The following TNFSF8 variants were observed in gnomAD, a reference collection of about 807,000 sequenced individuals.
TNFSF8 encodes the protein tumor necrosis factor ligand superfamily member 8.
A neutral mutation model predicts 22.0 loss-of-function variants in TNFSF8; 4 were observed. The observed-to-expected ratio is 0.18, with a 90% CI of 0.09 to 0.42. The LOEUF is 0.42. TNFSF8 is among the 10% of genes least tolerant of loss of function. The pLI is 1.00. For missense variants in TNFSF8, 233 were observed against 281.8 expected, an observed-to-expected ratio of 0.83 and a Z score of 1.24; for synonymous variants, 106 against 112.5, an observed-to-expected ratio of 0.94 and a Z score of 0.37.
intron 2 of TNFSF8, among the ~76,000 whole-genome samples, chr9:114,914,936 TC>T (rs1188792752): frequency 6.6e-6 from 1 of 152,196 alleles, no homozygotes. Flanking sequence ...CTGTGTTTTT[TC>T]TTTAGCATGT....
At chr9:114,923,522 C>CTTTCTTTCTTTCT (rs758823996) in intron 1 of TNFSF8, among the ~76,000 whole-genome samples, 2,365 of 89,510 alleles carry the variant, frequency 0.026, 80 homozygotes, top group African/African-American at 0.07. Flanking sequence ...TTCTTTCTTT[C>CTTTCTTTCTTTCT]TTTTTTTTTT....
intron 2 of TNFSF8, among the ~76,000 whole-genome samples, chr9:114,906,304 ATTGT>A (rs1205809546): frequency 2.6e-5 from 4 of 152,242 alleles, no homozygotes; most frequent in African/African-American, 9.6e-5. Flanking sequence ...GGTGAAATAC[ATTGT>A]TTCGTGGTGC....
rs1828072503 is a variant in TNFSF8, at chr9:114,927,079, ATATT to A, written c.195+3026_195+3029del. ...TAATATAAAATGTTTATTTTATAAT[ATATT>A]TATAATATAAAATGTTTATTTTATA... On this transcript the variant is annotated intron_variant, in intron 1 of 3. Transcript: ENST00000223795. 4.1e-5 allele frequency among the ~76,000 whole-genome samples: 6 copies of A among 147,100 alleles called. No homozygotes were observed. In the Admixed American group the frequency reaches 4.1e-4, roughly 10 times the overall value.
At chr9:114,927,303 A>C in intron 1 of TNFSF8, among the ~76,000 whole-genome samples, 1 of 152,094 alleles carries the variant, frequency 6.6e-6, no homozygotes, top group Non-Finnish European at 1.5e-5. Context: ...CACACAGTAG[A>C]TATTTAATAA....
chr9:114,928,157 A>T (rs1564373703), intron 1 of TNFSF8, among the ~76,000 whole-genome samples: 1 of 152,220 alleles, frequency 6.6e-6, no homozygotes. Flanking sequence ...ATCAGATTGC[A>T]CAGTGAATCT....
chr9:114,916,303 C>A (rs1421249131), intron 2 of TNFSF8, among the ~76,000 whole-genome samples: 1 of 152,128 alleles, frequency 6.6e-6, no homozygotes, highest in Non-Finnish European at 1.5e-5. Flanking sequence ...TCACTTTGGA[C>A]TGATGAAAAC....
intron 2 of TNFSF8, among the ~76,000 whole-genome samples, chr9:114,908,642 A>G (rs951759923): frequency 7.3e-6 from 1 of 136,960 alleles, no homozygotes; most frequent in African/African-American, 3.6e-5. Flanking sequence ...AAACCCGAGG[A>G]TGGAAAAAAA....
chr9:114,903,589 C>A lies in TNFSF8; in HGVS notation c.*342G>T, dbSNP rs897855039. 3.8e-5 allele frequency: 22 copies of A among 580,064 alleles called. No individual in the cohort carries two copies. The highest frequency in any genetic ancestry group is 4.6e-5 in the Non-Finnish European group (21 of 453,570). The allele number at this position is 580,064 out of a possible 1,614,324, so 35.9% of individuals were successfully genotyped here. Reference sequence around the variant, plus strand: ...GTTGCTAGCTGCTCTGGTACTGGAGCCCCATTTTAACTGGAGGCTCTCAAA... The same window carrying A: ...GTTGCTAGCTGCTCTGGTACTGGAGACCCATTTTAACTGGAGGCTCTCAAA... On this transcript the variant is annotated 3_prime_UTR_variant, in exon 4 of 4. Transcript: ENST00000223795.
intron 2 of TNFSF8, among the ~76,000 whole-genome samples, chr9:114,911,478 G>A (rs762424104): frequency 6.6e-6 from 1 of 152,096 alleles, no homozygotes; most frequent in Non-Finnish European, 1.5e-5. Flanking sequence ...TCAACTATTA[G>A]GTTGGTGCAA....
chr9:114,907,379 T>C (rs545057472), intron 2 of TNFSF8, among the ~76,000 whole-genome samples: 1 of 152,290 alleles, frequency 6.6e-6, no homozygotes, highest in South Asian at 2.1e-4. Flanking sequence ...GCCCACACTC[T>C]TGGGGTTTGT....
At chr9:114,914,292 A>T (rs1274261463) in intron 2 of TNFSF8, among the ~76,000 whole-genome samples, 1 of 152,198 alleles carries the variant, frequency 6.6e-6, no homozygotes, top group Non-Finnish European at 1.5e-5. Flanking sequence ...GCTGGGCTGC[A>T]CTGGGATGTG....
chr9:114,922,558 A>G (rs997251153), intron 1 of TNFSF8, among the ~76,000 whole-genome samples: 2 of 152,332 alleles, frequency 1.3e-5, no homozygotes, highest in Non-Finnish European at 2.9e-5. Context: ...AAGGTCCCAC[A>G]GGTGGCGAAT....
In TNFSF8 at chr9:114,893,817, T is replaced by C. The variant is rs1827628955; in HGVS notation, c.*262A>G. ...ACAGTCATACATTTTGGGAAGTGAT[T>C]AATTCTGGGAAGGAAATGAGTTGGC... On this transcript the variant is annotated 3_prime_UTR_variant, in exon 5 of 5. Transcript: ENST00000618336. 7.0e-6 allele frequency: 3 copies of C among 425,738 alleles called. No homozygotes were observed. In the East Asian group the frequency reaches 1.3e-4, roughly 18 times the overall value. 26.4% of individuals were successfully genotyped at this position (425,738 alleles called of 1,614,324 possible). A position where few individuals can be genotyped will look rare whatever the true frequency, so the allele number is the denominator to read the frequency against.
At chr9:114,918,273 T>C (rs988406303) in intron 1 of TNFSF8, 135 bp from the exon 2 acceptor site, 10 of 667,390 alleles carry the variant, frequency 1.5e-5, no homozygotes, top group Non-Finnish European at 2.4e-6. Flanking sequence ...TTTTAAAAAT[T>C]AATTCACTGA....
rs1827714175 is a variant in TNFSF8 at position 114,901,329 on chromosome 9, TTTTG to T, written c.*2598_*2601del. On this transcript the variant is annotated 3_prime_UTR_variant, in exon 4 of 4. Coordinates refer to ENST00000223795, the MANE Select transcript of TNFSF8 (RefSeq NM_001244.4). ...TGAGTTATTAATGATTATTCTCTTTTTTTGTTTGTTTGGTTACATTATTCATTTA... is the reference window on the plus strand; with the variant it reads ...TGAGTTATTAATGATTATTCTCTTTTTTTGTTTGGTTACATTATTCATTTA... 1.0e-6 allele frequency: 1 copy of T among 985,404 alleles called. No individual in the cohort carries two copies. Among genetic ancestry groups the T allele is most frequent in the Non-Finnish European group, 1.2e-6 (1 of 829,930 alleles). The allele number at this position is 985,404 out of a possible 1,614,324, so 61.0% of individuals were successfully genotyped here.
intron 1 of TNFSF8, among the ~76,000 whole-genome samples, chr9:114,918,345 G>A (rs1404005254): frequency 1.3e-5 from 2 of 152,094 alleles, no homozygotes; most frequent in African/African-American, 2.4e-5. Flanking sequence ...GCAAGATGAG[G>A]ATTACTGTCC....
chr9:114,910,739 C>T (rs887679745), intron 2 of TNFSF8, among the ~76,000 whole-genome samples: 8 of 152,278 alleles, frequency 5.3e-5, no homozygotes, highest in South Asian at 2.1e-4. Flanking sequence ...ATGCTCAAGG[C>T]GGCTCTACCA....
rs769870253 is a variant in TNFSF8 at position 114,901,338 on chromosome 9, T to C, written c.*2593A>G. On this transcript the variant is annotated 3_prime_UTR_variant, in exon 4 of 4. Coordinates refer to ENST00000223795, the MANE Select transcript of TNFSF8 (RefSeq NM_001244.4). ...AATGATTATTCTCTTTTTTTGTTTG[T>C]TTGGTTACATTATTCATTTAAATGA... 1.0e-6 allele frequency: 1 copy of C among 985,420 alleles called. No individual in the cohort carries two copies. Among genetic ancestry groups the C allele is most frequent in the Non-Finnish European group, 1.2e-6 (1 of 829,924 alleles). The allele number at this position is 985,420 out of a possible 1,614,324, so 61.0% of individuals were successfully genotyped here. A position where few individuals can be genotyped will look rare whatever the true frequency, so the allele number is the denominator to read the frequency against.
At chr9:114,914,141 A>T (rs1827887444) in intron 2 of TNFSF8, among the ~76,000 whole-genome samples, 1 of 152,200 alleles carries the variant, frequency 6.6e-6, no homozygotes, top group Non-Finnish European at 1.5e-5. Flanking sequence ...GGACATTAAG[A>T]CAGGAAGGAG....
Sources: allele counts gnomAD v4.1 joint callset (sites outside exome capture counted in the v4.1 genomes callset), GRCh38; gene constraint gnomAD v4.1.1; transcripts MANE v1.5; gene names NCBI Gene and HGNC (gene_info 2026-07-23, HGNC 2026-07-21).